The following WDR41 variants were observed in gnomAD, a reference collection of about 807,000 sequenced individuals.
WDR41 encodes the protein WD repeat-containing protein 41.
Under a neutral mutation model 69.3 loss-of-function variants are expected in WDR41, and 63 were observed. That is an observed-to-expected ratio of 0.91 (90% CI 0.74 to 1.12). The LOEUF (loss-of-function observed/expected upper bound fraction) is 1.12, where lower values mean the gene tolerates loss of function less well. Among genes scored for constraint, WDR41 ranks in the 50% most tolerant of loss-of-function variants. WDR41 has a pLI of 0.00. For synonymous variants in WDR41, 185 were observed against 192.1 expected, an observed-to-expected ratio of 0.96 and a Z score of 0.31; for missense variants, 543 against 534.5, an observed-to-expected ratio of 1.02 and a Z score of -0.16.
intron 1 of WDR41, chr5:77,491,886 C>A: frequency 2.1e-6 from 1 of 482,034 alleles, no homozygotes; most frequent in South Asian, 3.2e-5. Flanking sequence ...GGACTGCTGA[C>A]CAGCTGAGCG....
intron 1 of WDR41, among the ~76,000 whole-genome samples, chr5:77,548,424 C>T (rs1743237766): frequency 6.6e-6 from 1 of 151,908 alleles, no homozygotes; most frequent in Non-Finnish European, 1.5e-5. Flanking sequence ...ATGAATTCAA[C>T]AAATCAATAA....
intron 2 of WDR41, among the ~76,000 whole-genome samples, chr5:77,469,787 C>A (rs1176228670): frequency 6.6e-6 from 1 of 151,846 alleles, no homozygotes; most frequent in Admixed American, 6.6e-5. Context: ...GTGAAAAGAC[C>A]AAATCTACGT....
rs17751013 is a variant in WDR41 at position 77,440,917 on chromosome 5, G to A, written c.778C>T (p.Arg260Cys). The change falls in exon 9 of 13, where the codon CGC becomes TGC. Residue 260 changes from arginine to cysteine, a missense_variant. Coordinates refer to ENST00000296679, the MANE Select transcript of WDR41 (RefSeq NM_018268.4). Reference sequence around the variant, plus strand: ...TGTGGAGATGGGTCCCAGAAGTTGCGTTCATAGGCCTGCATGGTCCAGTCC... The same window carrying A: ...TGTGGAGATGGGTCCCAGAAGTTGCATTCATAGGCCTGCATGGTCCAGTCC... ...ALDWTMQAYERNFWDPSPQLD... is the reference protein window; with the variant it reads ...ALDWTMQAYECNFWDPSPQLD... 445 of 1,614,104 alleles carry A rather than the reference G, an allele frequency of 2.8e-4. 2 individuals are homozygous for A. In the East Asian group the frequency reaches 6.4e-3, roughly 23 times the overall value.
intron 1 of WDR41, among the ~76,000 whole-genome samples, chr5:77,519,279 T>G (rs1802338060): frequency 6.6e-6 from 1 of 151,986 alleles, no homozygotes; most frequent in Non-Finnish European, 1.5e-5. Flanking sequence ...TATAAATTAT[T>G]TTCAAAGTAT....
At chr5:77,444,963 C>T (rs1561732050) in intron 8 of WDR41, among the ~76,000 whole-genome samples, 1 of 151,760 alleles carries the variant, frequency 6.6e-6, no homozygotes, top group African/African-American at 2.4e-5. Flanking sequence ...GAGACAGAGA[C>T]AAGAAAAACT....
intron 1 of WDR41, among the ~76,000 whole-genome samples, chr5:77,549,073 G>A (rs1255056581): frequency 4.6e-5 from 7 of 151,842 alleles, no homozygotes; most frequent in African/African-American, 1.7e-4. Context: ...TATAGTGGGA[G>A]CTAAGCTATG....
intron 2 of WDR41, among the ~76,000 whole-genome samples, chr5:77,488,278 A>G (rs1237123588): frequency 2.6e-5 from 4 of 152,088 alleles, no homozygotes; most frequent in Non-Finnish European, 5.9e-5. Context: ...TGCACATGGT[A>G]AAGCAACTAA....
chr5:77,480,653 A>G (rs2112061346), intron 2 of WDR41, among the ~76,000 whole-genome samples: 1 of 135,706 alleles, frequency 7.4e-6, no homozygotes, highest in South Asian at 2.6e-4. Context: ...GAAGGGGAAC[A>G]TCACACTCTG....
chr5:77,511,365 T>A (rs1802200412), intron 1 of WDR41, among the ~76,000 whole-genome samples: 1 of 152,216 alleles, frequency 6.6e-6, no homozygotes, highest in African/African-American at 2.4e-5. Flanking sequence ...TTTGTGGAAT[T>A]AAGGAGAATG....
At chr5:77,600,264 C>T (rs1213338102) in intron 1 of WDR41, among the ~76,000 whole-genome samples, 1 of 152,140 alleles carries the variant, frequency 6.6e-6, no homozygotes, top group Non-Finnish European at 1.5e-5. Flanking sequence ...CAATGGAATA[C>T]CACTGAGCAA....
chr5:77,472,691 T>C (rs1445174942), intron 2 of WDR41, among the ~76,000 whole-genome samples: 1 of 151,760 alleles, frequency 6.6e-6, no homozygotes, highest in East Asian at 1.9e-4. Flanking sequence ...GAGAATAAAA[T>C]ACCTAGGAAT....
At chr5:77,482,383 G>C (rs1348927978) in intron 2 of WDR41, among the ~76,000 whole-genome samples, 1 of 151,986 alleles carries the variant, frequency 6.6e-6, no homozygotes, top group African/African-American at 2.4e-5. Context: ...TCCAAATAAG[G>C]CTTCTATAGT....
rs1043977262 is a variant in WDR41 at position 77,432,472 on chromosome 5, A to T, written c.*663T>A. On this transcript the variant is annotated 3_prime_UTR_variant, in exon 13 of 13. Coordinates refer to ENST00000296679, the MANE Select transcript of WDR41 (RefSeq NM_018268.4). ...CTAGAGCTCATCCTTGGCGTACATG[A>T]GGGGCAGTTGTTGTTCTAGTACCCA... 2 of 152,498 alleles carry T rather than the reference A, an allele frequency of 1.3e-5. No individual in the cohort carries two copies. The highest frequency in any genetic ancestry group is 6.5e-5 in the Admixed American group (1 of 15,274). The allele number at this position is 152,498 out of a possible 1,614,324, so 9.4% of individuals were successfully genotyped here.
intron 2 of WDR41, among the ~76,000 whole-genome samples, chr5:77,474,491 T>C (rs1426800044): frequency 3.9e-5 from 6 of 152,296 alleles, no homozygotes; most frequent in South Asian, 2.1e-4. Context: ...CTAGAACTAC[T>C]TGAAGAAAAT....
intron 1 of WDR41, among the ~76,000 whole-genome samples, chr5:77,617,664 A>G (rs1030950205): frequency 1.6e-4 from 24 of 152,230 alleles, no homozygotes; most frequent in Admixed American, 5.9e-4. Context: ...GTTTTTGGTC[A>G]TAAGTACTAA....
intron 2 of WDR41, among the ~76,000 whole-genome samples, chr5:77,472,285 G>C (rs1800660608): frequency 6.6e-6 from 1 of 152,090 alleles, no homozygotes; most frequent in South Asian, 2.1e-4. Context: ...AAACTAATAA[G>C]AGCTATCTGT....
At chr5:77,500,531 A>G (rs930384583) in intron 1 of WDR41, among the ~76,000 whole-genome samples, 2 of 152,222 alleles carry the variant, frequency 1.3e-5, no homozygotes, top group African/African-American at 4.8e-5. Flanking sequence ...TAAAGGGATA[A>G]TAAGAGAGTA....
In WDR41 at chr5:77,441,684, G is replaced by T. The variant is rs113636378; in HGVS notation, c.698-687C>A. Reference sequence around the variant, plus strand: ...ACCTGGGACGCAGAGGTCGCAGTGAGCTGAGATCGCGCCACTGCACTCCAG... The same window carrying T: ...ACCTGGGACGCAGAGGTCGCAGTGATCTGAGATCGCGCCACTGCACTCCAG... On this transcript the variant is annotated intron_variant, in intron 8 of 12. Transcript: ENST00000296679. Among the ~76,000 whole-genome samples, 579 of 152,210 alleles carry T rather than the reference G, an allele frequency of 3.8e-3. 5 individuals carry two copies. Among genetic ancestry groups the T allele is most frequent in the African/African-American group, 0.013 (559 of 41,516 alleles).
intron 1 of WDR41, among the ~76,000 whole-genome samples, chr5:77,519,193 A>G (rs1335251792): frequency 6.6e-6 from 1 of 152,052 alleles, no homozygotes; most frequent in Non-Finnish European, 1.5e-5. Context: ...GGTTATTTAT[A>G]TTCAGTAAAA....
Sources: allele counts gnomAD v4.1 joint callset (sites outside exome capture counted in the v4.1 genomes callset), GRCh38; gene constraint gnomAD v4.1.1; transcripts MANE v1.5; gene names NCBI Gene and HGNC (gene_info 2026-07-23, HGNC 2026-07-21).